STPG2: variants seen among roughly 807,000 people sequenced by gnomAD.
The protein encoded by STPG2 is sperm tail PG-rich repeat containing 2, also known as sperm-tail PG-rich repeat-containing protein 2.
Under a neutral mutation model 54.2 loss-of-function variants are expected in STPG2, and 56 were observed. The ratio of observed to expected loss-of-function variants is 1.03; its 90% CI spans 0.83 to 1.29. STPG2 has a LOEUF of 1.29. Among genes scored for constraint, STPG2 ranks in the 50% most tolerant of loss-of-function variants. The pLI is 0.00. For missense variants in STPG2, 596 were observed against 544.9 expected (o/e 1.09, Z -0.93); for synonymous variants, 200 against 181.8 (o/e 1.10, Z -0.81).
rs116383533 is a variant in STPG2 at position 97,610,904 on chromosome 4, A to T, written c.1321-51787T>A. 6.9e-3 allele frequency among the ~76,000 whole-genome samples: 1,044 copies of T among 152,200 alleles called. 5 individuals carry two copies. Among genetic ancestry groups the T allele is most frequent in the African/African-American group, 0.024 (979 of 41,560 alleles). ...AAAAATATTCTTATTGAGTAACTGGAACTACAGTAAAATAAAAGTAAATTT... is the reference window on the plus strand; with the variant it reads ...AAAAATATTCTTATTGAGTAACTGGTACTACAGTAAAATAAAAGTAAATTT... On this transcript the variant is annotated intron_variant, in intron 10 of 10. Coordinates refer to ENST00000295268, the MANE Select transcript of STPG2 (RefSeq NM_174952.3).
At chr4:97,990,367 C>T (rs1233118282) in intron 5 of STPG2, among the ~76,000 whole-genome samples, 2 of 152,050 alleles carry the variant, frequency 1.3e-5, no homozygotes, top group African/African-American at 4.8e-5. Flanking sequence ...CACTAAAGGG[C>T]AGGTTTCCAC....
intron 4 of STPG2, among the ~76,000 whole-genome samples, chr4:97,534,082 T>C (rs1225918217): frequency 2.0e-5 from 3 of 152,178 alleles, no homozygotes; most frequent in Non-Finnish European, 4.4e-5. Flanking sequence ...TTTGTTACTT[T>C]TTAAAATTTT....
chr4:97,595,116 T>C (rs995963283), intron 10 of STPG2, among the ~76,000 whole-genome samples: 12 of 152,196 alleles, frequency 7.9e-5, no homozygotes, highest in African/African-American at 2.9e-4. Flanking sequence ...ACCCAAAGGA[T>C]TATAAATCAT....
chr4:97,945,689 C>G (rs891445938), intron 7 of STPG2, among the ~76,000 whole-genome samples: 1 of 151,958 alleles, frequency 6.6e-6, no homozygotes, highest in African/African-American at 2.4e-5. Flanking sequence ...AATTTATAAG[C>G]ATTCTCTTTT....
chr4:97,840,812 C>T lies in STPG2; in HGVS notation c.1165G>A (p.Ala389Thr). 6.2e-7 allele frequency: 1 copy of T among 1,611,682 alleles called. No individual in the cohort carries two copies. ...AKRKHASFLS[A>T]TPRCLEKVTD... ...ACTTTTTCTAGGCACCGAGGAGTTG[C>T]ACTAAGAAAAGAGGCATGTTTTCTT... is the stretch of plus-strand genomic sequence containing the variant. Residue 389 changes from alanine (A) to threonine (T), a missense_variant, in exon 9 of 11, where the codon GCA (alanine) becomes ACA (threonine). Transcript: ENST00000295268.
chr4:97,700,632 A>G (rs1053632925), intron 10 of STPG2, among the ~76,000 whole-genome samples: 1 of 152,232 alleles, frequency 6.6e-6, no homozygotes, highest in African/African-American at 2.4e-5. Flanking sequence ...ACTGGATCTA[A>G]TCAAAATAAT....
chr4:97,638,242 G>A (rs1578444899), intron 10 of STPG2, among the ~76,000 whole-genome samples: 2 of 152,256 alleles, frequency 1.3e-5, no homozygotes, highest in African/African-American at 4.8e-5. Flanking sequence ...AAGCAATGGG[G>A]AAAGGATTCC....
chr4:97,784,033 G>A (rs1726742840), intron 9 of STPG2, among the ~76,000 whole-genome samples: 1 of 149,354 alleles, frequency 6.7e-6, no homozygotes, highest in African/African-American at 2.5e-5. Context: ...AAACCTGCAC[G>A]TTGTACACAT....
At chr4:97,614,415 C>A (rs1334916343) in intron 10 of STPG2, among the ~76,000 whole-genome samples, 1 of 151,940 alleles carries the variant, frequency 6.6e-6, no homozygotes, top group Non-Finnish European at 1.5e-5. Flanking sequence ...TGAGCAGGAG[C>A]ATTGTCATGG....
chr4:97,684,355 T>C (rs1411354863), intron 10 of STPG2, among the ~76,000 whole-genome samples: 4 of 151,892 alleles, frequency 2.6e-5, no homozygotes. Flanking sequence ...AGTATAAAGC[T>C]ACAGTGATCA....
intron 8 of STPG2, among the ~76,000 whole-genome samples, chr4:97,844,865 C>T (rs1728901721): frequency 6.6e-6 from 1 of 151,888 alleles, no homozygotes; most frequent in South Asian, 2.1e-4. Context: ...TTGTTCAATC[C>T]TGTTCTGTGT....
chr4:97,658,169 C>T (rs1722270515), intron 10 of STPG2, among the ~76,000 whole-genome samples: 1 of 152,126 alleles, frequency 6.6e-6, no homozygotes, highest in African/African-American at 2.4e-5. Flanking sequence ...GATAAAGAAA[C>T]TGAAGATAGC....
chr4:98,074,976 C>T (rs989259676), intron 5 of STPG2, among the ~76,000 whole-genome samples: 20 of 152,124 alleles, frequency 1.3e-4, no homozygotes, highest in African/African-American at 4.6e-4. Flanking sequence ...TGTTATCTAC[C>T]TCCAGAGAGG....
At chr4:97,928,233 C>T (rs116316085) in intron 8 of STPG2, among the ~76,000 whole-genome samples, 1 of 152,174 alleles carries the variant, frequency 6.6e-6, no homozygotes, top group African/African-American at 2.4e-5. Context: ...TCTGGTAGGG[C>T]AAATGCCCTT....
chr4:98,128,471 G>C lies in STPG2; in HGVS notation c.344C>G (p.Ala115Gly), dbSNP rs765705550. The change falls in exon 3 of 11, where the codon GCT (alanine) becomes GGT (glycine). Residue 115 changes from alanine to glycine, a missense_variant. Physicochemically the swap from Ala to Gly is moderately conservative, Grantham distance 60. Transcript: ENST00000295268. ...TGCTGGACCAAGTGTACTGTCACAA[G>C]CAGGTGGAAAACATTTTATAATACT... Reference protein sequence around the residue: ...DGSIIKCFPPACDSTLGPAYY... With the variant: ...DGSIIKCFPPGCDSTLGPAYY... The C allele has an allele frequency of 1.7e-5, 27 of 1,613,234 alleles. No individual in the cohort carries two copies. The highest frequency in any genetic ancestry group is 2.2e-5 in the Non-Finnish European group (26 of 1,179,696).
At chr4:97,918,442 CACACACACAT>C (rs1180760157) in intron 8 of STPG2, among the ~76,000 whole-genome samples, 1 of 152,060 alleles carries the variant, frequency 6.6e-6, no homozygotes, top group African/African-American at 2.4e-5. Context: ...TCATTACTTT[CACACACACAT>C]ACACACACAC....
chr4:97,459,957 A>G (rs995524998), intron 4 of STPG2, among the ~76,000 whole-genome samples: 9 of 152,168 alleles, frequency 5.9e-5, no homozygotes, highest in Non-Finnish European at 1.3e-4. Context: ...ACTCTTTCAA[A>G]TAATTAGAGA....
chr4:97,676,338 A>G (rs528781396), intron 10 of STPG2, among the ~76,000 whole-genome samples: 72 of 151,880 alleles, frequency 4.7e-4, no homozygotes, highest in African/African-American at 1.7e-3. Flanking sequence ...GGACTATATC[A>G]TGGTGTTTTG....
At chr4:97,859,889 C>T (rs770535086) in intron 8 of STPG2, among the ~76,000 whole-genome samples, 6 of 152,158 alleles carry the variant, frequency 3.9e-5, no homozygotes, top group African/African-American at 9.7e-5. Context: ...TCCATCTTGA[C>T]TTTATTTTTG....
Sources: allele counts gnomAD v4.1 joint callset (sites outside exome capture counted in the v4.1 genomes callset), GRCh38; gene constraint gnomAD v4.1.1; transcripts MANE v1.5; gene names NCBI Gene and HGNC (gene_info 2026-07-23, HGNC 2026-07-21).